Variants in MYO3B observed in about 807,000 individuals in gnomAD.
MYO3B encodes myosin IIIB, also known as myosin-IIIb.
A neutral mutation model predicts 174.6 loss-of-function variants in MYO3B; 156 were observed. The observed-to-expected ratio is 0.89, with a 90% CI of 0.78 to 1.02. The LOEUF is 1.02. MYO3B is among the 50% of genes least tolerant of loss of function. The pLI is 0.00. For synonymous variants in MYO3B, 563 were observed against 569.1 expected (o/e 0.99, Z 0.15); for missense variants, 1,632 against 1,639.4 (o/e 1.00, Z 0.08).
At chr2:170,258,957 C>A (rs1188111887) in intron 7 of MYO3B, among the ~76,000 whole-genome samples, 1 of 152,002 alleles carries the variant, frequency 6.6e-6, no homozygotes, top group Non-Finnish European at 1.5e-5. Context: ...AGAACACTGT[C>A]CAATTTACAA....
chr2:170,498,706 A>G lies in MYO3B; in HGVS notation c.3126+3A>G. The G allele has an allele frequency of 6.4e-7, 1 of 1,562,694 alleles. No individual in the cohort carries two copies. The highest frequency in any genetic ancestry group is 8.8e-7 in the Non-Finnish European group (1 of 1,133,554). On this transcript the variant is annotated splice_donor_region_variant and intron_variant, in intron 26 of 34. Transcript: ENST00000408978. ...ACTGGGTACTGGGAAAAACAAAGGT[A>G]GTTCGTTCTTTATTGTTCAAATTGT...
intron 7 of MYO3B, among the ~76,000 whole-genome samples, chr2:170,330,089 C>G (rs952685069): frequency 1.3e-4 from 20 of 152,088 alleles, no homozygotes; most frequent in Non-Finnish European, 2.4e-4. Context: ...CCCCTTCTCC[C>G]CTAACACCCT....
At chr2:170,339,140 G>C (rs2093962679) in intron 8 of MYO3B, among the ~76,000 whole-genome samples, 1 of 152,184 alleles carries the variant, frequency 6.6e-6, no homozygotes, top group South Asian at 2.1e-4. Flanking sequence ...GGAGGATTAA[G>C]ACCTTCAGAT....
intron 32 of MYO3B, among the ~76,000 whole-genome samples, chr2:170,619,288 A>T (rs986055825): frequency 6.6e-6 from 1 of 152,148 alleles, no homozygotes. Context: ...ACGTCCATTC[A>T]TAGGCTCTCT....
chr2:170,503,026 G>C (rs562127290), intron 28 of MYO3B, among the ~76,000 whole-genome samples: 189 of 152,304 alleles, frequency 1.2e-3, no homozygotes, highest in Non-Finnish European at 2.2e-3. Flanking sequence ...TGCAATTCTT[G>C]TTACAGCTTA....
At chr2:170,581,274 G>A (rs1285216187) in intron 32 of MYO3B, among the ~76,000 whole-genome samples, 7 of 152,064 alleles carry the variant, frequency 4.6e-5, no homozygotes, top group Non-Finnish European at 4.4e-5. Context: ...AATAAAGATA[G>A]TCACTTTCTC....
At chr2:170,628,887 G>T (rs1447713672) in intron 32 of MYO3B, among the ~76,000 whole-genome samples, 1 of 152,016 alleles carries the variant, frequency 6.6e-6, no homozygotes, top group Non-Finnish European at 1.5e-5. Context: ...TCTTTCCCAG[G>T]AACCCTATAA....
intron 7 of MYO3B, among the ~76,000 whole-genome samples, chr2:170,279,796 T>C (rs979363422): frequency 6.6e-6 from 1 of 152,210 alleles, no homozygotes; most frequent in Non-Finnish European, 1.5e-5. Flanking sequence ...AGACATGATC[T>C]CATTACTTTT....
At chr2:170,458,617 T>C (rs139477191) in intron 23 of MYO3B, among the ~76,000 whole-genome samples, 162 of 152,330 alleles carry the variant, frequency 1.1e-3, no homozygotes, top group African/African-American at 3.7e-3. Flanking sequence ...ATAATGAAAT[T>C]AGCTCAGGAA....
intron 32 of MYO3B, among the ~76,000 whole-genome samples, chr2:170,552,545 G>T (rs561078306): frequency 1.6e-4 from 25 of 152,212 alleles, no homozygotes; most frequent in Non-Finnish European, 3.5e-4. Flanking sequence ...GCTTCCAAAA[G>T]TCTACACTCA....
At chr2:170,574,072 A>T (rs1440419141) in intron 32 of MYO3B, among the ~76,000 whole-genome samples, 1 of 152,100 alleles carries the variant, frequency 6.6e-6, no homozygotes, top group Non-Finnish European at 1.5e-5. Flanking sequence ...GAAGGCTCCC[A>T]CCCCACACTG....
intron 7 of MYO3B, among the ~76,000 whole-genome samples, chr2:170,304,713 C>T (rs1384323651): frequency 6.6e-6 from 1 of 151,896 alleles, no homozygotes; most frequent in African/African-American, 2.4e-5. Context: ...GTGATCCACC[C>T]GCCTCAGCCA....
At position 170,600,936 on chromosome 2, in the gene MYO3B, G is replaced by A. The variant is rs141006856; in HGVS notation, c.3734-50692G>A. 1.8e-4 allele frequency among the ~76,000 whole-genome samples: 27 copies of A among 152,290 alleles called. No homozygotes were observed. The South Asian group carries it at 5.0e-3, about 28-fold the overall frequency. ...GTTTGTAAATATAAGTGGGCTATGCGAAATTTCTTAACTGATCAAGATTTT... is the reference window on the plus strand; with the variant it reads ...GTTTGTAAATATAAGTGGGCTATGCAAAATTTCTTAACTGATCAAGATTTT... On this transcript the variant is annotated intron_variant, in intron 32 of 34. Transcript: ENST00000408978.
chr2:170,479,552 A>G (rs1393544581), intron 25 of MYO3B, among the ~76,000 whole-genome samples: 3 of 146,138 alleles, frequency 2.1e-5, no homozygotes, highest in Non-Finnish European at 4.5e-5. Context: ...TATATATTTT[A>G]TATAAATGTA....
At chr2:170,420,626 C>T (rs1395855097) in intron 22 of MYO3B, among the ~76,000 whole-genome samples, 2 of 152,170 alleles carry the variant, frequency 1.3e-5, no homozygotes, top group African/African-American at 4.8e-5. Context: ...ATGGGCTCCT[C>T]ATCTTCATCA....
At chr2:170,259,809 A>G (rs913002801) in intron 7 of MYO3B, among the ~76,000 whole-genome samples, 5 of 152,190 alleles carry the variant, frequency 3.3e-5, no homozygotes, top group African/African-American at 4.8e-5. Context: ...ATATTCACCA[A>G]CTATGCATCC....
chr2:170,220,524 G>A (rs959005144), intron 6 of MYO3B, among the ~76,000 whole-genome samples: 25 of 150,574 alleles, frequency 1.7e-4, no homozygotes, highest in African/African-American at 5.6e-4. Flanking sequence ...AGCTACTCGG[G>A]AGGCTGAGGC....
chr2:170,637,280 T>C (rs1386527374), intron 32 of MYO3B, among the ~76,000 whole-genome samples: 1 of 150,954 alleles, frequency 6.6e-6, no homozygotes, highest in African/African-American at 2.4e-5. Flanking sequence ...CAAGCGATTC[T>C]CCTGCCTCAC....
At chr2:170,362,384 T>C (rs1008851128) in intron 8 of MYO3B, among the ~76,000 whole-genome samples, 2 of 152,190 alleles carry the variant, frequency 1.3e-5, no homozygotes, top group African/African-American at 4.8e-5. Context: ...CTGACAGCTT[T>C]GTCTAAAGAT....
Sources: gnomAD v4.1 joint callset for allele counts (sites outside exome capture counted in the v4.1 genomes callset) on GRCh38, gnomAD v4.1.1 for gene constraint, MANE v1.5 for transcripts, NCBI Gene and HGNC (gene_info 2026-07-23, HGNC 2026-07-21) for gene names.